The following VWF variants were observed in gnomAD, a reference collection of about 807,000 sequenced individuals.
The protein encoded by VWF is von Willebrand factor.
In VWF, 176 loss-of-function variants were observed where a neutral mutation model predicts 308.6. That is an observed-to-expected ratio of 0.57 (90% CI 0.50 to 0.65). The LOEUF (loss-of-function observed/expected upper bound fraction) is 0.65, where lower values mean the gene tolerates loss of function less well. Among genes scored for constraint, VWF ranks in the 30% least tolerant of loss-of-function variants. The pLI is 0.00. For missense variants in VWF, 3,146 were observed against 3,648.2 expected, an observed-to-expected ratio of 0.86 and a Z score of 3.55; for synonymous variants, 1,385 against 1,443.4, an observed-to-expected ratio of 0.96 and a Z score of 0.92.
intron 34 of VWF, among the ~76,000 whole-genome samples, chr12:6,000,798 C>T (rs1184414231): frequency 5.6e-5 from 6 of 108,028 alleles, no homozygotes; most frequent in South Asian, 3.3e-4. Flanking sequence ...AGCCACAGAG[C>T]GAGACTCTGT....
intron 33 of VWF, 75 bp downstream of exon 33, chr12:6,012,012 A>T: frequency 6.4e-7 from 1 of 1,569,942 alleles, no homozygotes; most frequent in South Asian, 1.1e-5. Context: ...CAAAGGAGGA[A>T]AAATTAACCA....
At chr12:6,059,611 T>C (rs1944631577) in intron 13 of VWF, among the ~76,000 whole-genome samples, 1 of 152,194 alleles carries the variant, frequency 6.6e-6, no homozygotes, top group South Asian at 2.1e-4. Flanking sequence ...CCTCACATGG[T>C]GGAAGGGGCT....
intron 38 of VWF, among the ~76,000 whole-genome samples, chr12:5,989,296 A>G (rs1372162614): frequency 6.6e-6 from 1 of 152,206 alleles, no homozygotes. Context: ...TGAAATTACT[A>G]CAATAGTTTT....
intron 12 of VWF, 35 bp downstream of exon 12, chr12:6,064,211 C>T (rs561112909): frequency 6.2e-7 from 1 of 1,613,898 alleles, no homozygotes; most frequent in East Asian, 2.2e-5. Flanking sequence ...TGGGCTGTGC[C>T]AGCCCCAGGC....
chr12:5,979,914 G>A (rs564044443), intron 42 of VWF, among the ~76,000 whole-genome samples: 10 of 149,870 alleles, frequency 6.7e-5, no homozygotes, highest in East Asian at 5.9e-4. Flanking sequence ...GGTGGCGGGC[G>A]CCTGTAGTCC....
At chr12:6,084,650 G>C (rs1944948825) in intron 6 of VWF, among the ~76,000 whole-genome samples, 1 of 152,142 alleles carries the variant, frequency 6.6e-6, no homozygotes, top group Non-Finnish European at 1.5e-5. Context: ...AAGGAGAAGG[G>C]AGGGGGACAT....
At chr12:5,961,609 T>G in intron 47 of VWF, among the ~76,000 whole-genome samples, 1 of 139,168 alleles carries the variant, frequency 7.2e-6, no homozygotes, top group South Asian at 2.3e-4. Flanking sequence ...AAAAAAACAC[T>G]ATTACTACAA....
intron 16 of VWF, among the ~76,000 whole-genome samples, chr12:6,052,124 A>G (rs757558166): frequency 2.0e-5 from 3 of 152,202 alleles, no homozygotes; most frequent in Non-Finnish European, 4.4e-5. Flanking sequence ...AGGTCAGGGT[A>G]GCAATGCCCC....
chr12:5,969,260 G>A lies in VWF; in HGVS notation c.7680C>T (p.Gly2560=), dbSNP rs758747918. The change falls in exon 45 of 52, where the codon GGC becomes GGT. Residue 2560 remains glycine (G), a synonymous_variant. Coordinates refer to ENST00000261405, the MANE Select transcript of VWF (RefSeq NM_000552.5). ...CTGAGGTCTTACAGCTCAGCTGAAAGCCCGAGGGGCAGACAGGGACCTCCA... is the reference window on the plus strand; with the variant it reads ...CTGAGGTCTTACAGCTCAGCTGAAAACCCGAGGGGCAGACAGGGACCTCCA... ...PQLEVPVCPS[G]FQLSCKTSAC... The A allele has an allele frequency of 3.3e-5, 54 of 1,614,066 alleles. No homozygotes were observed. Among genetic ancestry groups the A allele is most frequent in the Non-Finnish European group, 4.5e-5 (53 of 1,180,028 alleles).
intron 28 of VWF, among the ~76,000 whole-genome samples, chr12:6,017,459 AG>A (rs1169628117): frequency 6.6e-6 from 1 of 152,262 alleles, no homozygotes; most frequent in Non-Finnish European, 1.5e-5. Context: ...ACAAAAACAA[AG>A]AAACAAAAGT....
chr12:6,107,056 G>A (rs1253760700), intron 5 of VWF, among the ~76,000 whole-genome samples: 1 of 152,030 alleles, frequency 6.6e-6, no homozygotes, highest in Non-Finnish European at 1.5e-5. Context: ...AACAAATTGT[G>A]GTAACTACTC....
At chr12:6,050,579 T>C (rs1381684930) in intron 16 of VWF, among the ~76,000 whole-genome samples, 8 of 152,188 alleles carry the variant, frequency 5.3e-5, no homozygotes, top group African/African-American at 1.7e-4. Context: ...TTCCTTCATA[T>C]AGCATGCGTT....
At position 5,994,080 on chromosome 12, in the gene VWF, A is replaced by G. The variant is rs765758844; in HGVS notation, c.6380T>C (p.Leu2127Pro). ...QRPGQTCQPILEEQCLVPDSS... is the reference protein window; with the variant it reads ...QRPGQTCQPIPEEQCLVPDSS... ...GTCGGGGACAAGACACTGCTCCTCC[A>G]GGATGGGCTGGCACGTCTGCCCTGG... Residue 2127 changes from leucine to proline, a missense_variant, in exon 37 of 52, where the codon CTG (leucine) becomes CCG (proline). By Grantham distance (98) the Leu-to-Pro change is moderately conservative. Coordinates refer to ENST00000261405, the MANE Select transcript of VWF (RefSeq NM_000552.5). 3.7e-6 allele frequency: 6 copies of G among 1,614,082 alleles called. No homozygotes were observed. The highest frequency in any genetic ancestry group is 5.1e-6 in the Non-Finnish European group (6 of 1,180,046).
At chr12:6,079,936 T>C (rs1944889434) in intron 6 of VWF, among the ~76,000 whole-genome samples, 1 of 152,064 alleles carries the variant, frequency 6.6e-6, no homozygotes. Flanking sequence ...GCTCAAGGAA[T>C]GCAATAGAAA....
At chr12:5,999,804 A>C (rs1943850938) in intron 34 of VWF, among the ~76,000 whole-genome samples, 1 of 152,164 alleles carries the variant, frequency 6.6e-6, no homozygotes, top group South Asian at 2.1e-4. Context: ...AACTAAGAAG[A>C]GAAATGAACA....
intron 34 of VWF, among the ~76,000 whole-genome samples, chr12:6,002,377 C>A (rs1375602342): frequency 6.6e-6 from 1 of 151,450 alleles, no homozygotes; most frequent in Non-Finnish European, 1.5e-5. Context: ...TATAAATTAA[C>A]AAATGACAAA....
chr12:6,046,866 C>T lies in VWF; in HGVS notation c.2187-49G>A. 3 of 1,553,194 alleles carry T rather than the reference C, an allele frequency of 1.9e-6. No individual in the cohort carries two copies. The highest frequency in any genetic ancestry group is 2.7e-6 in the Non-Finnish European group (3 of 1,131,322). Reference sequence around the variant, plus strand: ...GAGCTTCACGAGACTCGTCTATACTCGCTGCCTCCACATCTTCACCTCCCA... The same window carrying T: ...GAGCTTCACGAGACTCGTCTATACTTGCTGCCTCCACATCTTCACCTCCCA... On this transcript the variant is annotated intron_variant, in intron 16 of 51. Transcript: ENST00000261405. This position sits in a 1 kb window ranked among gnomAD's most constrained non-coding sequence, Gnocchi z 5.0.
chr12:6,012,682 CGTGT>C (rs139765093), intron 32 of VWF, among the ~76,000 whole-genome samples: 3 of 143,794 alleles, frequency 2.1e-5, no homozygotes, highest in Admixed American at 6.9e-5. Flanking sequence ...ACAAAAAAAG[CGTGT>C]GTGTGTGTGT....
Position 6,050,685 on chromosome 12 carries a change from C to A in VWF, c.2186+1858G>T, listed in dbSNP as rs926469511. ...CCTCAAAACAATCCTCCAGGCTGGG[C>A]GTGGTGGCTCATGCCTATAATCCCA... On this transcript the variant is annotated intron_variant, in intron 16 of 51. Coordinates refer to ENST00000261405, the MANE Select transcript of VWF (RefSeq NM_000552.5). 3.9e-5 allele frequency among the ~76,000 whole-genome samples: 6 copies of A among 152,314 alleles called. No individual in the cohort carries two copies. In the East Asian group the frequency reaches 5.8e-4, roughly 15 times the overall value.
Sources: gnomAD v4.1 joint callset for allele counts (sites outside exome capture counted in the v4.1 genomes callset) on GRCh38, gnomAD v4.1.1 for gene constraint, Gnocchi (gnomAD v3.1) non-coding constraint, MANE v1.5 for transcripts, NCBI Gene and HGNC (gene_info 2026-07-23, HGNC 2026-07-21) for gene names.